Variants in GNAI1 observed in about 807,000 individuals in gnomAD.
The protein encoded by GNAI1 is guanine nucleotide-binding protein G(i) subunit alpha-1.
GNAI1 carries 11 observed loss-of-function variants against 38.9 expected under a neutral mutation model. The ratio of observed to expected loss-of-function variants is 0.28; its 90% CI spans 0.18 to 0.47. The LOEUF (loss-of-function observed/expected upper bound fraction) is 0.47, where lower values mean the gene tolerates loss of function less well. Ranked by LOEUF, GNAI1 falls within the 20% of genes least tolerant of loss-of-function variation. The pLI is 0.99. For synonymous variants in GNAI1, 166 were observed against 145.1 expected (o/e 1.14, Z -1.04); for missense variants, 317 against 436.9 (o/e 0.73, Z 2.45).
chr7:80,211,448 T>C (rs1366445573), intron 6 of GNAI1, among the ~76,000 whole-genome samples: 1 of 149,990 alleles, frequency 6.7e-6, no homozygotes, highest in African/African-American at 2.4e-5. Context: ...AGACGGAGTC[T>C]CGCCCTGTTG....
intron 1 of GNAI1, among the ~76,000 whole-genome samples, chr7:80,170,975 A>G (rs914874132): frequency 2.0e-5 from 3 of 152,192 alleles, no homozygotes. Context: ...CAGTAAATAT[A>G]TTATGGCTTT....
intron 1 of GNAI1, among the ~76,000 whole-genome samples, chr7:80,172,116 A>C (rs1238914788): frequency 6.6e-6 from 1 of 152,106 alleles, no homozygotes; most frequent in Non-Finnish European, 1.5e-5. Flanking sequence ...TTTAACTTTG[A>C]CTAGATTTCT....
rs1176887967 is a variant in GNAI1, at chr7:80,225,653, T to C, written c.*8160T>C. 6.6e-6 allele frequency among the ~76,000 whole-genome samples: 1 copy of C among 152,170 alleles called. No homozygotes were observed. Among genetic ancestry groups the C allele is most frequent in the African/African-American group, 2.4e-5 (1 of 41,434 alleles). Reference sequence around the variant, plus strand: ...GCAGGACTTAAATCAGGATAGAGTATCAAATATTCCAAGGCCTTACATGCA... The same window carrying C: ...GCAGGACTTAAATCAGGATAGAGTACCAAATATTCCAAGGCCTTACATGCA... On this transcript the variant is annotated 3_prime_UTR_variant, in exon 8 of 8. Coordinates refer to ENST00000649796, the MANE Select transcript of GNAI1 (RefSeq NM_002069.6).
At position 80,189,601 on chromosome 7, in the gene GNAI1, G is replaced by GT. The variant is rs549495233; in HGVS notation, c.303+371dup. ...TGTTTCTGCAATTTGGAATACTGAA[G>GT]TGATCTAGTCATTTGTATTCATGCC... On this transcript the variant is annotated intron_variant, in intron 3 of 7. Transcript: ENST00000649796. Among the ~76,000 whole-genome samples, 602 of 152,234 alleles carry GT rather than the reference G, an allele frequency of 4.0e-3. 5 individuals carry two copies. The highest frequency in any genetic ancestry group is 0.014 in the African/African-American group (561 of 41,530).
chr7:80,211,224 T>A, intron 6 of GNAI1, 126 bp downstream of exon 6: 1 of 755,398 alleles, frequency 1.3e-6, no homozygotes, highest in Non-Finnish European at 2.1e-6. Context: ...TTCTATTTGA[T>A]AAAAGAGAGA....
chr7:80,193,292 AT>A (rs2115648458), intron 3 of GNAI1, among the ~76,000 whole-genome samples: 1 of 152,264 alleles, frequency 6.6e-6, no homozygotes, highest in African/African-American at 2.4e-5. Flanking sequence ...ATATAGGTTG[AT>A]TTGGTAAGAA....
chr7:80,158,590 A>G (rs1175067022), intron 1 of GNAI1, among the ~76,000 whole-genome samples: 1 of 152,092 alleles, frequency 6.6e-6, no homozygotes, highest in Non-Finnish European at 1.5e-5. Flanking sequence ...TATGTGAAGG[A>G]TGTGTTTGCC....
At chr7:80,189,046 C>A in intron 2 of GNAI1, 44 bp from the exon 3 acceptor site, 1 of 1,599,098 alleles carries the variant, frequency 6.3e-7, no homozygotes, top group Non-Finnish European at 8.6e-7. Context: ...ACCGTTCTAC[C>A]AAAGGAAGTA....
In GNAI1 at chr7:80,217,598, A is replaced by G. The variant is rs1299121658; in HGVS notation, c.*105A>G. On this transcript the variant is annotated 3_prime_UTR_variant, in exon 8 of 8. Coordinates refer to ENST00000649796, the MANE Select transcript of GNAI1 (RefSeq NM_002069.6). ...GCAACACAGAATGTAATATAAGGCA[A>G]ATGCATCTGGGACTTGACCAAAGTT... The G allele has an allele frequency of 5.1e-6, 3 of 589,528 alleles. No homozygotes were observed. Among genetic ancestry groups the G allele is most frequent in the African/African-American group, 1.9e-5 (1 of 52,246 alleles). 36.5% of individuals were successfully genotyped at this position (589,528 alleles called of 1,614,324 possible).
At chr7:80,200,655 A>G (rs1031437658) in intron 4 of GNAI1, among the ~76,000 whole-genome samples, 1 of 152,190 alleles carries the variant, frequency 6.6e-6, no homozygotes, top group African/African-American at 2.4e-5. Context: ...TCAGCATCAG[A>G]CTAGGTACTA....
rs538394183 is a variant in GNAI1, at chr7:80,167,468, T to G, written c.119-21483T>G. Among the ~76,000 whole-genome samples the G allele has an allele frequency of 3.3e-5, 5 of 152,332 alleles. No homozygotes were observed. In the South Asian group the frequency reaches 1.0e-3, roughly 32 times the overall value. On this transcript the variant is annotated intron_variant, in intron 1 of 7. Coordinates refer to ENST00000649796, the MANE Select transcript of GNAI1 (RefSeq NM_002069.6). ...GCTCCCATCCTGCCAGACCCGATGC[T>G]CACTTTTGTAATATAATTTTAATGC...
At chr7:80,179,543 A>C (rs768809476) in intron 1 of GNAI1, among the ~76,000 whole-genome samples, 1 of 152,226 alleles carries the variant, frequency 6.6e-6, no homozygotes, top group Non-Finnish European at 1.5e-5. Context: ...CTGGAAGTGT[A>C]GTATCCTTAG....
chr7:80,163,370 C>T (rs763848455), intron 1 of GNAI1, among the ~76,000 whole-genome samples: 1 of 152,180 alleles, frequency 6.6e-6, no homozygotes, highest in African/African-American at 2.4e-5. Context: ...TGAGTTCTTA[C>T]ACCTTGCTTG....
chr7:80,225,716 G>C lies in GNAI1; in HGVS notation c.*8223G>C, dbSNP rs1166813040. 6.6e-6 allele frequency among the ~76,000 whole-genome samples: 1 copy of C among 152,056 alleles called. No individual in the cohort carries two copies. Among genetic ancestry groups the C allele is most frequent in the East Asian group, 1.9e-4 (1 of 5,188 alleles). On this transcript the variant is annotated 3_prime_UTR_variant, in exon 8 of 8. Coordinates refer to ENST00000649796, the MANE Select transcript of GNAI1 (RefSeq NM_002069.6). ...TGATAAAGACAGAAGATTGCAAATG[G>C]TTTGCTCTTTAACAGTCAATAAAAT...
intron 1 of GNAI1, among the ~76,000 whole-genome samples, chr7:80,143,586 G>T (rs1787564862): frequency 6.6e-6 from 1 of 152,150 alleles, no homozygotes; most frequent in Admixed American, 6.5e-5. Flanking sequence ...GCTTTCCAGA[G>T]AGGAAAGGTG....
chr7:80,154,182 C>CA (rs1322882598), intron 1 of GNAI1, among the ~76,000 whole-genome samples: 1 of 152,142 alleles, frequency 6.6e-6, no homozygotes, highest in Non-Finnish European at 1.5e-5. Flanking sequence ...CTTGGCCTTC[C>CA]AAAGTGCTGG....
At chr7:80,158,773 C>T (rs1259272337) in intron 1 of GNAI1, among the ~76,000 whole-genome samples, 2 of 152,188 alleles carry the variant, frequency 1.3e-5, no homozygotes, top group African/African-American at 4.8e-5. Context: ...TCTCAGTTTG[C>T]ACCACGCTAT....
At chr7:80,143,905 TG>T (rs1036147960) in intron 1 of GNAI1, among the ~76,000 whole-genome samples, 5 of 48,714 alleles carry the variant, frequency 1.0e-4, no homozygotes, top group Admixed American at 9.6e-4. Context: ...TTAGCAAGGA[TG>T]TGTGTGTGTG....
At chr7:80,161,675 G>A (rs1172830589) in intron 1 of GNAI1, among the ~76,000 whole-genome samples, 3 of 152,106 alleles carry the variant, frequency 2.0e-5, no homozygotes, top group Admixed American at 2.0e-4. Flanking sequence ...TAATGTTATC[G>A]TTAATGCTGT....
Sources: allele counts gnomAD v4.1 joint callset (sites outside exome capture counted in the v4.1 genomes callset), GRCh38; gene constraint gnomAD v4.1.1; transcripts MANE v1.5; gene names NCBI Gene and HGNC (gene_info 2026-07-23, HGNC 2026-07-21).